RBFOX1: variants seen among roughly 807,000 people sequenced by gnomAD.
RBFOX1 encodes the protein RNA binding protein fox-1 homolog 1.
In RBFOX1, 8 loss-of-function variants were observed where a neutral mutation model predicts 57.7. That is an observed-to-expected ratio of 0.14 (90% CI 0.08 to 0.25). RBFOX1 has a LOEUF of 0.25. Ranked by LOEUF, RBFOX1 falls within the 10% of genes least tolerant of loss-of-function variation. The pLI is 1.00. For missense variants in RBFOX1, 611 were observed against 548.5 expected (o/e 1.11, Z -1.14); for synonymous variants, 326 against 222.4 (o/e 1.47, Z -4.15).
intron 4 of RBFOX1, among the ~76,000 whole-genome samples, chr16:7,194,441 C>T (rs1041008854): frequency 6.6e-6 from 1 of 152,086 alleles, no homozygotes; most frequent in East Asian, 1.9e-4. Flanking sequence ...ACAGGATGAC[C>T]GTCTAGTGAC....
intron 2 of RBFOX1, among the ~76,000 whole-genome samples, chr16:5,539,124 C>G (rs970151303): frequency 2.0e-5 from 3 of 152,098 alleles, no homozygotes. Flanking sequence ...GCACGTAATT[C>G]TTAGACACCT....
At chr16:7,483,086 C>G (rs1297880710) in intron 4 of RBFOX1, among the ~76,000 whole-genome samples, 1 of 152,178 alleles carries the variant, frequency 6.6e-6, no homozygotes, top group African/African-American at 2.4e-5. Context: ...AGGTGCTACC[C>G]TTTTATTCAC....
chr16:6,134,219 G>C (rs566494224), intron 1 of RBFOX1, among the ~76,000 whole-genome samples: 1 of 152,282 alleles, frequency 6.6e-6, no homozygotes, highest in South Asian at 2.1e-4. Context: ...TTACAGGCGT[G>C]AGCCACCACA....
At chr16:6,451,566 G>T (rs1483061751) in intron 2 of RBFOX1, among the ~76,000 whole-genome samples, 1 of 152,048 alleles carries the variant, frequency 6.6e-6, no homozygotes, top group African/African-American at 2.4e-5. Flanking sequence ...GTGTTTTGTA[G>T]GTATTACCAC....
chr16:5,544,976 TTTTTTTTTTTTTTTTTTTG>T (rs2045129411), intron 2 of RBFOX1, among the ~76,000 whole-genome samples: 3 of 17,140 alleles, frequency 1.8e-4, no homozygotes, highest in Admixed American at 9.6e-4. Context: ...TTTTTTTTTT[TTTTTTTTTTTTTTTTTTTG>T]ATACGGAGTC....
intron 4 of RBFOX1, among the ~76,000 whole-genome samples, chr16:7,059,678 C>T (rs1240620736): frequency 6.6e-6 from 1 of 152,194 alleles, no homozygotes; most frequent in South Asian, 2.1e-4. Context: ...ACTGTCCCAT[C>T]TCTTTATAAA....
chr16:5,242,882 A>G (rs1295784398), intron 1 of RBFOX1, among the ~76,000 whole-genome samples: 1 of 151,208 alleles, frequency 6.6e-6, no homozygotes, highest in Non-Finnish European at 1.5e-5. Context: ...GGGTTGCTTT[A>G]TTTGGTGGTG....
intron 4 of RBFOX1, among the ~76,000 whole-genome samples, chr16:7,511,353 T>TG (rs1486565353): frequency 6.6e-6 from 1 of 152,118 alleles, no homozygotes; most frequent in African/African-American, 2.4e-5. Flanking sequence ...GGCAATGTCT[T>TG]GGGGAAAAAA....
At chr16:6,936,374 A>G (rs971030680) in intron 3 of RBFOX1, among the ~76,000 whole-genome samples, 1 of 152,182 alleles carries the variant, frequency 6.6e-6, no homozygotes, top group South Asian at 2.1e-4. Flanking sequence ...AGGCACAAAC[A>G]GAAACAAATA....
chr16:6,503,179 A>AT (rs1039787916), intron 2 of RBFOX1, among the ~76,000 whole-genome samples: 8 of 148,348 alleles, frequency 5.4e-5, no homozygotes, highest in East Asian at 4.0e-4. Flanking sequence ...ATTATATGTG[A>AT]TTTTTTTATT....
chr16:7,642,002 C>T (rs2062894424), intron 11 of RBFOX1, among the ~76,000 whole-genome samples: 1 of 152,124 alleles, frequency 6.6e-6, no homozygotes, highest in African/African-American at 2.4e-5. Context: ...ATAGTCCTAG[C>T]TACTGGAAGG....
intron 3 of RBFOX1, among the ~76,000 whole-genome samples, chr16:6,717,172 GT>G (rs1224410410): frequency 6.6e-6 from 1 of 152,100 alleles, no homozygotes; most frequent in Non-Finnish European, 1.5e-5. Flanking sequence ...ACGGTCTATG[GT>G]ATTGTGTTAC....
intron 2 of RBFOX1, among the ~76,000 whole-genome samples, chr16:6,596,558 C>G (rs971377179): frequency 7.0e-6 from 1 of 143,324 alleles, no homozygotes; most frequent in African/African-American, 3.0e-5. Context: ...AGCCTCAACT[C>G]TAGGATAAGA....
chr16:5,604,180 TC>T (rs1425312656), downstream of RBFOX1, among the ~76,000 whole-genome samples: 1 of 152,238 alleles, frequency 6.6e-6, no homozygotes. Flanking sequence ...CCTGTATTTT[TC>T]TGTAATAAGA....
intron 1 of RBFOX1, among the ~76,000 whole-genome samples, chr16:6,269,504 G>T (rs1861188): frequency 6.6e-6 from 1 of 151,954 alleles, no homozygotes; most frequent in African/African-American, 2.4e-5. Context: ...TAAAATGCAC[G>T]CCATCCTTAT....
chr16:7,367,904 A>ACG (rs112193482), intron 4 of RBFOX1, among the ~76,000 whole-genome samples: 2,868 of 152,010 alleles, frequency 0.019, 85 homozygotes, highest in African/African-American at 0.06. Flanking sequence ...ACACACACAC[A>ACG]CACACACACA....
At chr16:7,646,852 G>A (rs1178309757) in intron 11 of RBFOX1, among the ~76,000 whole-genome samples, 1 of 151,956 alleles carries the variant, frequency 6.6e-6, no homozygotes, top group Non-Finnish European at 1.5e-5. Context: ...GTTTATTTTC[G>A]AAGGTAAGCA....
intron 5 of RBFOX1, among the ~76,000 whole-genome samples, chr16:7,533,242 A>G (rs1179848923): frequency 6.6e-6 from 1 of 152,238 alleles, no homozygotes; most frequent in African/African-American, 2.4e-5. Flanking sequence ...GATGAATTAC[A>G]TTTTAAAAAT....
intron 2 of RBFOX1, among the ~76,000 whole-genome samples, chr16:6,653,764 G>A (rs899087025): frequency 6.6e-6 from 1 of 151,828 alleles, no homozygotes; most frequent in African/African-American, 2.4e-5. Context: ...GTAGATGAAT[G>A]GGTGGATGGA....
Sources: gnomAD v4.1 joint callset for allele counts (sites outside exome capture counted in the v4.1 genomes callset) on GRCh38, gnomAD v4.1.1 for gene constraint, MANE v1.5 for transcripts, NCBI Gene and HGNC (gene_info 2026-07-23, HGNC 2026-07-21) for gene names.